C16orf46: variants seen among roughly 807,000 people sequenced by gnomAD.
C16orf46 encodes the protein uncharacterized protein C16orf46.
In C16orf46, 7 loss-of-function variants were observed where a neutral mutation model predicts 5.5. The ratio of observed to expected loss-of-function variants is 1.28; its 90% CI spans 0.73 to 2.40. The LOEUF (loss-of-function observed/expected upper bound fraction) is 2.40, where lower values mean the gene tolerates loss of function less well. C16orf46 is among the 30% of genes most tolerant of loss of function. C16orf46 has a pLI of 0.00. For synonymous variants in C16orf46, 200 were observed against 184.1 expected (o/e 1.09, Z -0.70); for missense variants, 614 against 476.0 (o/e 1.29, Z -2.70).
chr16:81,059,553 A>G (rs888810275), downstream of C16orf46, among the ~76,000 whole-genome samples: 1 of 152,202 alleles, frequency 6.6e-6, no homozygotes, highest in African/African-American at 2.4e-5. Context: ...GTGTCTACAA[A>G]GCAACATCAC....
chr16:81,053,884 A>G (rs1376207085), exon 4 of C16orf46: 2 of 567,624 alleles, frequency 3.5e-6, no homozygotes, highest in Non-Finnish European at 6.2e-6. Flanking sequence ...CGAGCCGATG[A>G]CCATGGCAGG....
At chr16:81,063,350 GGTTCTA>G (rs1971549919) in intron 3 of C16orf46, among the ~76,000 whole-genome samples, 2 of 152,024 alleles carry the variant, frequency 1.3e-5, no homozygotes, top group South Asian at 4.1e-4. Context: ...AGGAGCTCAG[GGTTCTA>G]GAGTCCAGGA....
At chr16:81,059,007 T>C (rs1971383221), downstream of C16orf46, among the ~76,000 whole-genome samples, 2 of 152,176 alleles carry the variant, frequency 1.3e-5, no homozygotes, top group Admixed American at 6.5e-5. Flanking sequence ...TTCCCATGCA[T>C]ACATGCAGGA....
intron 1 of C16orf46, among the ~76,000 whole-genome samples, chr16:81,068,834 T>C (rs920055857): frequency 2.0e-5 from 3 of 152,110 alleles, no homozygotes; most frequent in Non-Finnish European, 4.4e-5. Flanking sequence ...CCCAAGTAGC[T>C]GGGATTCCAG....
At chr16:81,071,661 C>T (rs557459659) in intron 1 of C16orf46, among the ~76,000 whole-genome samples, 1 of 152,062 alleles carries the variant, frequency 6.6e-6, no homozygotes, top group South Asian at 2.1e-4. Flanking sequence ...TGGGGGATCC[C>T]ATGGGCCCCG....
At chr16:81,053,984 T>C in exon 4 of C16orf46, 1 of 1,416,574 alleles carries the variant, frequency 7.1e-7, no homozygotes, top group Non-Finnish European at 9.9e-7. Context: ...TCCGCCGCTT[T>C]TCCATGTCCT....
intron 1 of C16orf46, among the ~76,000 whole-genome samples, chr16:81,074,276 G>A (rs547278487): frequency 6.6e-6 from 1 of 152,218 alleles, no homozygotes; most frequent in Non-Finnish European, 1.5e-5. Flanking sequence ...TACCTCAAAA[G>A]TGGTCTGACT....
rs2151748862 is a variant in C16orf46, at chr16:81,061,507, G to A, written c.842C>T (p.Ser281Phe). The A allele has an allele frequency of 6.2e-7, 1 of 1,614,204 alleles. No individual in the cohort carries two copies. The highest frequency in any genetic ancestry group is 8.5e-7 in the Non-Finnish European group (1 of 1,180,044). ...GGATATCTGGGCCGCTGGGGAAGGG[G>A]AGGATGGCGTGTCGTTGACCATAGG... ...KHPMVNDTPS[S>F]PSPAAQISLL... The change falls in exon 4 of 4, where the codon TCC (serine) becomes TTC (phenylalanine). Residue 281 changes from serine to phenylalanine, a missense_variant. Ser to Phe is a radical substitution (Grantham distance 155). Transcript: ENST00000299578.
At chr16:81,067,705 A>C (rs1309593966) in intron 1 of C16orf46, among the ~76,000 whole-genome samples, 1 of 152,050 alleles carries the variant, frequency 6.6e-6, no homozygotes, top group Non-Finnish European at 1.5e-5. Context: ...GGCGTGCGCT[A>C]CCATGCAGGG....
Position 81,061,653 on chromosome 16 carries a change from A to G in C16orf46, c.696T>C (p.Ser232=). ...GCACCTTCTCTTCTGACTGCAAGAA[A>G]GAGTTCTTACTCTTCTTACCCAGAA... The part of the protein sequence containing the change: ...LDVLGKKSKN[S]FLQSEEKVLD... Residue 232 remains serine, a synonymous_variant, in exon 4 of 4, where the codon TCT becomes TCC. Coordinates refer to ENST00000299578, the MANE Select transcript of C16orf46 (RefSeq NM_152337.3). The G allele has an allele frequency of 6.2e-7, 1 of 1,614,218 alleles. No homozygotes were observed. The highest frequency in any genetic ancestry group is 8.5e-7 in the Non-Finnish European group (1 of 1,180,038).
chr16:81,075,259 T>TC (rs200307189), intron 1 of C16orf46, among the ~76,000 whole-genome samples: 11,207 of 26,348 alleles, frequency 0.43, 436 homozygotes, highest in Middle Eastern at 0.55. Flanking sequence ...TCTCTCTCTC[T>TC]TTTTTTTTTA....
downstream of C16orf46, among the ~76,000 whole-genome samples, chr16:81,056,631 G>A (rs1971303466): frequency 6.6e-6 from 1 of 150,870 alleles, no homozygotes; most frequent in Non-Finnish European, 1.5e-5. Flanking sequence ...GGGAGAGGGA[G>A]GTTGCAGTGA....
chr16:81,065,473 CAAA>C (rs11303086), intron 2 of C16orf46, among the ~76,000 whole-genome samples: 5 of 65,376 alleles, frequency 7.6e-5, no homozygotes, highest in Non-Finnish European at 6.4e-5. Flanking sequence ...GAATCCGTCT[CAAA>C]AAAAAAAAAA....
At chr16:81,074,361 T>A (rs1220063321) in intron 1 of C16orf46, among the ~76,000 whole-genome samples, 2 of 152,102 alleles carry the variant, frequency 1.3e-5, no homozygotes, top group Non-Finnish European at 2.9e-5. Flanking sequence ...GTTACTATAT[T>A]TTTTTAAAAG....
At position 81,077,133 on chromosome 16, in the gene C16orf46, T is replaced by C. The variant is rs1353892697; in HGVS notation, c.-128+3A>G. On this transcript the variant is annotated splice_donor_region_variant and intron_variant, in intron 1 of 3. Coordinates refer to ENST00000299578, the MANE Select transcript of C16orf46 (RefSeq NM_152337.3). ...GGGTGGAGAAATGGCCGCTCACACC[T>C]ACCTGTGGGGCCAAGCGGATGGAAG... 1 of 152,412 alleles carries C rather than the reference T, an allele frequency of 6.6e-6. No homozygotes were observed. The highest frequency in any genetic ancestry group is 1.5e-5 in the Non-Finnish European group (1 of 68,216). The allele number at this position is 152,412 out of a possible 1,614,324, so 9.4% of individuals were successfully genotyped here. A position where few individuals can be genotyped will look rare whatever the true frequency, so the allele number is the denominator to read the frequency against.
chr16:81,063,174 C>A (rs1971543137), intron 3 of C16orf46, among the ~76,000 whole-genome samples: 1 of 145,514 alleles, frequency 6.9e-6, no homozygotes, highest in Non-Finnish European at 1.5e-5. Context: ...ACTCAGGAGG[C>A]AGAGGTTGCA....
Position 81,061,614 on chromosome 16 carries a change from C to T in C16orf46, c.735G>A (p.Lys245=), listed in dbSNP as rs112523458. The change falls in exon 4 of 4, where the codon AAG becomes AAA. Residue 245 remains lysine (K), a synonymous_variant. Transcript: ENST00000299578. ...QSEEKVLDVE[K]DGCVAYAYGL... The stretch of plus-strand genomic sequence containing the variant: ...CATATGCATAAGCCACACACCCATC[C>T]TTTTCCACATCCAGCACCTTCTCTT... The T allele has an allele frequency of 5.9e-3, 9,475 of 1,614,202 alleles. 33 individuals are homozygous for T. Among genetic ancestry groups the T allele is most frequent in the Non-Finnish European group, 7.0e-3 (8,315 of 1,180,040 alleles).
chr16:81,071,768 C>T (rs546196477), intron 1 of C16orf46, among the ~76,000 whole-genome samples: 2 of 152,070 alleles, frequency 1.3e-5, no homozygotes, highest in East Asian at 3.9e-4. Flanking sequence ...GTACATATAC[C>T]GAGTCTCTAA....
At chr16:81,068,512 C>A (rs867272435) in intron 1 of C16orf46, among the ~76,000 whole-genome samples, 8 of 151,024 alleles carry the variant, frequency 5.3e-5, no homozygotes, top group African/African-American at 1.9e-4. Context: ...GAAGGGATAG[C>A]AGAAGAAATG....
Sources: gnomAD v4.1 joint callset for allele counts (sites outside exome capture counted in the v4.1 genomes callset) on GRCh38, gnomAD v4.1.1 for gene constraint, MANE v1.5 for transcripts, NCBI Gene and HGNC (gene_info 2026-07-23, HGNC 2026-07-21) for gene names.